The following SMARCAD1 variants were observed in gnomAD, a reference collection of about 807,000 sequenced individuals.
SMARCAD1 encodes the protein SNF2 related chromatin remodeling ATPase with DExD box 1, also known as SWI/SNF-related matrix-associated actin-dependent regulator of chromatin subfamily A containing DEAD/H box 1.
In SMARCAD1, 25 loss-of-function variants were observed where a neutral mutation model predicts 127.1. That is an observed-to-expected ratio of 0.20 (90% CI 0.14 to 0.27). SMARCAD1 has a LOEUF of 0.27. SMARCAD1 is among the 10% of genes least tolerant of loss of function. The pLI, the probability that SMARCAD1 is intolerant of heterozygous loss-of-function variation, is 1.00. For missense variants in SMARCAD1, 807 were observed against 1,206.0 expected (o/e 0.67, Z 4.90); for synonymous variants, 400 against 396.9 (o/e 1.01, Z -0.09).
intron 2 of SMARCAD1, among the ~76,000 whole-genome samples, chr4:94,212,392 G>A (rs140023690): frequency 4.6e-5 from 7 of 152,064 alleles, no homozygotes; most frequent in Admixed American, 2.0e-4. Flanking sequence ...CCAGGCTAGT[G>A]TCAAACTCCT....
rs191263255 is a variant in SMARCAD1 at position 94,223,435 on chromosome 4, A to G, written c.191-2684A>G. ...TGGAGCCCAGGAGGCGGAGGTTGCAATGAGCTGAGATCACGCCACTGTACT... is the reference window on the plus strand; with the variant it reads ...TGGAGCCCAGGAGGCGGAGGTTGCAGTGAGCTGAGATCACGCCACTGTACT... On this transcript the variant is annotated intron_variant, in intron 2 of 23. Transcript: ENST00000354268. Among the ~76,000 whole-genome samples, 235 of 151,962 alleles carry G rather than the reference A, an allele frequency of 1.5e-3. 1 individual carries two copies. Among genetic ancestry groups the G allele is most frequent in the Middle Eastern group, 0.014 (4 of 294 alleles).
rs1470338725 is a variant in SMARCAD1 at position 94,290,091 on chromosome 4, A to G, written c.*557A>G. On this transcript the variant is annotated 3_prime_UTR_variant, in exon 24 of 24. Coordinates refer to ENST00000354268, the MANE Select transcript of SMARCAD1 (RefSeq NM_020159.5). The stretch of plus-strand genomic sequence containing the variant: ...AACTCAACCTGAATTTAAAGGTGGC[A>G]TTCCATATACTAACATCCCCCAGGT... The G allele has an allele frequency of 4.4e-6, 2 of 454,522 alleles. No individual in the cohort carries two copies. The highest frequency in any genetic ancestry group is 2.0e-5 in the African/African-American group (1 of 50,126). The allele number at this position is 454,522 out of a possible 1,614,324, so 28.2% of individuals were successfully genotyped here.
chr4:94,211,124 T>C (rs11931108), intron 2 of SMARCAD1, among the ~76,000 whole-genome samples: 1,567 of 151,686 alleles, frequency 0.01, 26 homozygotes, highest in African/African-American at 0.035. Flanking sequence ...AATATAAAAT[T>C]AGCTGGGCAT....
At position 94,249,130 on chromosome 4, in the gene SMARCAD1, T is replaced by TA. The variant is rs1477922915; in HGVS notation, c.706-523dup. Among the ~76,000 whole-genome samples the TA allele has an allele frequency of 2.0e-5, 3 of 152,268 alleles. No homozygotes were observed. The East Asian group carries it at 5.8e-4, about 29-fold the overall frequency. ...TAATTAATCTGTTCGGTTTATACAT[T>TA]ATTTAGTTCCACTTAAATTCCTTTT... On this transcript the variant is annotated intron_variant, in intron 6 of 23. Coordinates refer to ENST00000354268, the MANE Select transcript of SMARCAD1 (RefSeq NM_020159.5).
chr4:94,280,969 AAC>A (rs1251666985), intron 20 of SMARCAD1, among the ~76,000 whole-genome samples, 189 bp downstream of exon 20: 2 of 127,178 alleles, frequency 1.6e-5, no homozygotes, highest in African/African-American at 5.2e-5. Context: ...CTCAGACAAA[AAC>A]AATAGAAAGT....
intron 2 of SMARCAD1, chr4:94,213,009 T>G: frequency 8.6e-7 from 1 of 1,157,418 alleles, no homozygotes; most frequent in Non-Finnish European, 1.2e-6. Flanking sequence ...ATTTCTCCTT[T>G]TTTTCTTTGA....
intron 23 of SMARCAD1, among the ~76,000 whole-genome samples, chr4:94,285,459 G>T (rs997097623): frequency 6.6e-6 from 1 of 151,898 alleles, no homozygotes; most frequent in Admixed American, 6.6e-5. Flanking sequence ...TGGGAGAAAG[G>T]GTGCATGTCA....
At chr4:94,250,254 A>T (rs1749087394) in intron 7 of SMARCAD1, among the ~76,000 whole-genome samples, 1 of 151,952 alleles carries the variant, frequency 6.6e-6, no homozygotes, top group Non-Finnish European at 1.5e-5. Context: ...TAATCCCATG[A>T]TCATATATAG....
chr4:94,278,759 T>C, intron 18 of SMARCAD1, 26 bp downstream of exon 18: 14 of 1,605,640 alleles, frequency 8.7e-6, no homozygotes, highest in Non-Finnish European at 1.1e-5. Context: ...TACTCTTTTA[T>C]GTGAAAAAGA....
chr4:94,262,904 A>AAAG (rs1553919114), intron 9 of SMARCAD1, among the ~76,000 whole-genome samples: 3 of 97,098 alleles, frequency 3.1e-5, no homozygotes, highest in East Asian at 6.1e-4. Context: ...AAAAAAAAAA[A>AAAG]AAAGAAAGAA....
chr4:94,228,081 G>C (rs145503926), intron 3 of SMARCAD1, among the ~76,000 whole-genome samples: 3 of 152,068 alleles, frequency 2.0e-5, no homozygotes, highest in Non-Finnish European at 4.4e-5. Flanking sequence ...GCAAGAGATC[G>C]GACTGTCTAC....
intron 11 of SMARCAD1, among the ~76,000 whole-genome samples, chr4:94,272,172 C>T (rs1441061432): frequency 1.3e-5 from 2 of 151,802 alleles, no homozygotes; most frequent in African/African-American, 4.8e-5. Context: ...CAAGGACAGT[C>T]ATATTGGGTT....
At chr4:94,237,922 T>G (rs1255969397) in intron 5 of SMARCAD1, among the ~76,000 whole-genome samples, 2 of 152,186 alleles carry the variant, frequency 1.3e-5, no homozygotes, top group Non-Finnish European at 2.9e-5. Flanking sequence ...ACATTTTAAA[T>G]TTTAATATGT....
chr4:94,226,942 A>C (rs1745118639), intron 3 of SMARCAD1, among the ~76,000 whole-genome samples: 1 of 151,798 alleles, frequency 6.6e-6, no homozygotes. Context: ...GGCCTCAAGC[A>C]GTCCTGCCAT....
At chr4:94,288,573 TTTTG>T (rs1755282645) in intron 23 of SMARCAD1, among the ~76,000 whole-genome samples, 1 of 152,072 alleles carries the variant, frequency 6.6e-6, no homozygotes, top group African/African-American at 2.4e-5. Flanking sequence ...TTGTTTTGTT[TTTTG>T]TTTTTTTAAC....
intron 2 of SMARCAD1, among the ~76,000 whole-genome samples, chr4:94,217,668 T>C (rs1430671062): frequency 6.6e-6 from 1 of 152,234 alleles, no homozygotes; most frequent in East Asian, 1.9e-4. Flanking sequence ...ATTTAATTTC[T>C]GTAAAAATTC....
At chr4:94,222,868 G>T (rs111356291) in intron 2 of SMARCAD1, among the ~76,000 whole-genome samples, 1 of 152,118 alleles carries the variant, frequency 6.6e-6, no homozygotes, top group Non-Finnish European at 1.5e-5. Flanking sequence ...GGAGGCTGAA[G>T]CAGGAGAATC....
At chr4:94,267,601 T>C (rs1751928456) in intron 10 of SMARCAD1, among the ~76,000 whole-genome samples, 2 of 152,176 alleles carry the variant, frequency 1.3e-5, no homozygotes, top group South Asian at 4.1e-4. Context: ...GGAGAAATCA[T>C]AGTAACTCTG....
At chr4:94,252,130 G>C (rs1009587396) in intron 8 of SMARCAD1, among the ~76,000 whole-genome samples, 4 of 152,322 alleles carry the variant, frequency 2.6e-5, no homozygotes, top group African/African-American at 9.6e-5. Flanking sequence ...GATTACAGGC[G>C]TGAGCCACCA....
Sources: gnomAD v4.1 joint callset for allele counts (sites outside exome capture counted in the v4.1 genomes callset) on GRCh38, gnomAD v4.1.1 for gene constraint, MANE v1.5 for transcripts, NCBI Gene and HGNC (gene_info 2026-07-23, HGNC 2026-07-21) for gene names.